Variants in ARHGAP26 observed in about 807,000 individuals in gnomAD.
The protein encoded by ARHGAP26 is Rho GTPase activating protein 26.
In ARHGAP26, 38 loss-of-function variants were observed where a neutral mutation model predicts 104.8. The observed-to-expected ratio is 0.36, with a 90% CI of 0.28 to 0.48. The LOEUF (loss-of-function observed/expected upper bound fraction) is 0.48. ARHGAP26 is among the 20% of genes least tolerant of loss of function. ARHGAP26 has a pLI of 0.99. For synonymous variants in ARHGAP26, 341 were observed against 340.0 expected (o/e 1.00, Z -0.03); for missense variants, 704 against 947.9 (o/e 0.74, Z 3.38).
intron 17 of ARHGAP26, among the ~76,000 whole-genome samples, chr5:143,084,145 G>A (rs1790211112): frequency 1.3e-5 from 2 of 152,224 alleles, no homozygotes; most frequent in Non-Finnish European, 2.9e-5. Flanking sequence ...CTGCCTTAAT[G>A]ACCCGACTGT....
At chr5:143,010,742 A>G (rs1778610998) in intron 11 of ARHGAP26, 1 of 152,196 alleles carries the variant, frequency 6.6e-6, no homozygotes, top group Non-Finnish European at 1.5e-5. Flanking sequence ...GAGACCCAGG[A>G]AACCTTGAAA....
At chr5:142,900,196 A>G (rs925927288) in intron 6 of ARHGAP26, among the ~76,000 whole-genome samples, 4 of 152,304 alleles carry the variant, frequency 2.6e-5, no homozygotes, top group Admixed American at 2.0e-4. Context: ...GGAGCCATCT[A>G]AAAGGAAAGG....
intron 1 of ARHGAP26, among the ~76,000 whole-genome samples, chr5:142,823,855 A>G (rs992820560): frequency 2.0e-5 from 3 of 152,214 alleles, no homozygotes; most frequent in Non-Finnish European, 4.4e-5. Flanking sequence ...TGCTTTGGGT[A>G]AAATGATTTG....
At chr5:142,933,548 A>T (rs927321323) in intron 11 of ARHGAP26, among the ~76,000 whole-genome samples, 2 of 152,206 alleles carry the variant, frequency 1.3e-5, no homozygotes, top group Admixed American at 1.3e-4. Flanking sequence ...GGAGGAGTCC[A>T]TGCCTAGTAG....
chr5:142,875,038 T>C, intron 2 of ARHGAP26, 72 bp from the exon 3 acceptor site: 2 of 1,269,068 alleles, frequency 1.6e-6, no homozygotes, highest in Admixed American at 1.7e-5. Flanking sequence ...CATAACATAA[T>C]AGCCAGAGCT....
At chr5:143,207,144 C>T in intron 20 of ARHGAP26, 54 bp from the exon 21 acceptor site, 1 of 1,586,036 alleles carries the variant, frequency 6.3e-7, no homozygotes, top group Non-Finnish European at 8.6e-7. Flanking sequence ...CTCCTGTGCT[C>T]CCATTGTGGT....
chr5:143,146,831 A>G (rs1427472802), intron 19 of ARHGAP26, among the ~76,000 whole-genome samples: 1 of 152,234 alleles, frequency 6.6e-6, no homozygotes, highest in African/African-American at 2.4e-5. Context: ...CAGGAGTTTT[A>G]GAATAAAAGG....
At chr5:143,183,718 A>G (rs920619071) in intron 20 of ARHGAP26, among the ~76,000 whole-genome samples, 7 of 152,188 alleles carry the variant, frequency 4.6e-5, no homozygotes, top group Non-Finnish European at 8.8e-5. Context: ...AAGGCGTACC[A>G]GGGGAATGGC....
intron 17 of ARHGAP26, among the ~76,000 whole-genome samples, chr5:143,114,353 G>A (rs1315170816): frequency 2.6e-5 from 4 of 152,172 alleles, no homozygotes; most frequent in Non-Finnish European, 5.9e-5. Flanking sequence ...CTGCCTCACC[G>A]AGTCCAGGTA....
intron 20 of ARHGAP26, chr5:143,165,950 G>C (rs1338599802): frequency 2.8e-6 from 3 of 1,069,202 alleles, no homozygotes; most frequent in East Asian, 5.3e-5. Context: ...AGAGCACTTT[G>C]CATGGCTTCT....
chr5:142,908,290 G>A (rs1009691549), intron 9 of ARHGAP26, among the ~76,000 whole-genome samples: 12 of 152,280 alleles, frequency 7.9e-5, no homozygotes, highest in Middle Eastern at 3.4e-3. Context: ...CGAATTCAGG[G>A]GGCATTTGGA....
chr5:143,185,776 G>A (rs1303114635), intron 20 of ARHGAP26, among the ~76,000 whole-genome samples: 4 of 152,146 alleles, frequency 2.6e-5, no homozygotes, highest in Admixed American at 6.5e-5. Context: ...TTTTACCCTC[G>A]TTTTCAAAAG....
At chr5:142,897,651 T>C (rs1454707529) in intron 6 of ARHGAP26, among the ~76,000 whole-genome samples, 1 of 152,218 alleles carries the variant, frequency 6.6e-6, no homozygotes, top group African/African-American at 2.4e-5. Flanking sequence ...AGGAAGAACA[T>C]GAAATAACAA....
intron 19 of ARHGAP26, among the ~76,000 whole-genome samples, chr5:143,139,925 G>C (rs748938798): frequency 2.5e-4 from 38 of 152,320 alleles, no homozygotes; most frequent in Non-Finnish European, 4.9e-4. Context: ...ACAAGGTCTT[G>C]TACCTTATAG....
At chr5:142,921,735 T>C (rs191260193) in intron 10 of ARHGAP26, 57 of 157,230 alleles carry the variant, frequency 3.6e-4, no homozygotes, top group Middle Eastern at 3.4e-3. Flanking sequence ...GCTGTGTGAC[T>C]CTGGGTAAGT....
intron 1 of ARHGAP26, among the ~76,000 whole-genome samples, chr5:142,780,927 A>G (rs955708685): frequency 3.3e-5 from 5 of 152,176 alleles, no homozygotes; most frequent in Non-Finnish European, 7.3e-5. Context: ...AGAGCTTAGC[A>G]CTTTTCCCTG....
intron 11 of ARHGAP26, among the ~76,000 whole-genome samples, chr5:143,013,044 C>T (rs895097110): frequency 6.6e-6 from 1 of 151,970 alleles, no homozygotes; most frequent in African/African-American, 2.4e-5. Context: ...AGACTGAATC[C>T]AGCCCACCAC....
At chr5:142,978,396 T>C (rs1054761730) in intron 11 of ARHGAP26, among the ~76,000 whole-genome samples, 1 of 152,172 alleles carries the variant, frequency 6.6e-6, no homozygotes, top group Non-Finnish European at 1.5e-5. Flanking sequence ...TGTGTCCCCA[T>C]CCAGAAAATA....
intron 11 of ARHGAP26, among the ~76,000 whole-genome samples, chr5:142,944,334 G>A (rs754617516): frequency 7.2e-5 from 11 of 152,188 alleles, no homozygotes; most frequent in Non-Finnish European, 1.2e-4. Context: ...TATGAACAAC[G>A]GCTTGGAAAT....
Sources: allele counts gnomAD v4.1 joint callset (sites outside exome capture counted in the v4.1 genomes callset), GRCh38; gene constraint gnomAD v4.1.1; transcripts MANE v1.5; gene names NCBI Gene and HGNC (gene_info 2026-07-23, HGNC 2026-07-21).